The following TNRC6A variants were observed in gnomAD, a reference collection of about 807,000 sequenced individuals.
TNRC6A encodes the protein trinucleotide repeat-containing gene 6A protein.
In TNRC6A, 44 loss-of-function variants were observed where a neutral mutation model predicts 221.2. The observed-to-expected ratio is 0.20, with a 90% confidence interval of 0.16 to 0.26. TNRC6A has a LOEUF of 0.26. Among genes scored for constraint, TNRC6A ranks in the 10% least tolerant of loss-of-function variants. The pLI, the probability that TNRC6A is intolerant of heterozygous loss-of-function variation, is 1.00. For synonymous variants in TNRC6A, 847 were observed against 838.5 expected (o/e 1.01, Z -0.18); for missense variants, 2,199 against 2,404.4 (o/e 0.91, Z 1.79).
chr16:24,738,879 G>C (rs758305512), intron 2 of TNRC6A, among the ~76,000 whole-genome samples: 4 of 152,008 alleles, frequency 2.6e-5, no homozygotes, highest in African/African-American at 4.8e-5. Flanking sequence ...TTTTTGAGAC[G>C]GACTCCCTCT....
chr16:24,779,744 A>G (rs945086217), intron 5 of TNRC6A, among the ~76,000 whole-genome samples: 11 of 152,236 alleles, frequency 7.2e-5, no homozygotes, highest in Non-Finnish European at 1.3e-4. Context: ...CCAGAAACAC[A>G]AACATTCTTT....
intron 3 of TNRC6A, among the ~76,000 whole-genome samples, chr16:24,751,592 C>T (rs76615578): frequency 0.028 from 4,278 of 152,174 alleles, 84 homozygotes; most frequent in Non-Finnish European, 0.044. Context: ...GCACTCATCT[C>T]CTACTATGTC....
intron 1 of TNRC6A, among the ~76,000 whole-genome samples, chr16:24,637,296 G>C (rs1411624762): frequency 6.6e-6 from 1 of 152,174 alleles, no homozygotes; most frequent in African/African-American, 2.4e-5. Flanking sequence ...GTCTCCCAAA[G>C]TGCTGGGATT....
intron 2 of TNRC6A, chr16:24,661,499 C>T (rs151002674): frequency 1.4e-4 from 22 of 152,558 alleles, no homozygotes; most frequent in Non-Finnish European, 2.9e-4. Flanking sequence ...CTGCAACCTC[C>T]GCCTCCCAGG....
Position 24,777,198 on chromosome 16 carries a change from G to A in TNRC6A, c.429G>A (p.Gln143=), listed in dbSNP as rs1287837954. The A allele has an allele frequency of 6.2e-7, 1 of 1,614,132 alleles. No individual in the cohort carries two copies. Among genetic ancestry groups the A allele is most frequent in the Admixed American group, 1.7e-5 (1 of 60,012 alleles). The change falls in exon 5 of 25, where the codon CAG becomes CAA. Residue 143 remains glutamine, a synonymous_variant. Transcript: ENST00000395799. ...PREVPPRFRH[Q]EHKQLLKRGQ... is the part of the protein sequence containing the mutation. ...AAGTACCTCCACGATTTCGCCACCA[G>A]GAACACAAACAGCTTCTAAAGAGGG...
intron 2 of TNRC6A, among the ~76,000 whole-genome samples, chr16:24,748,000 C>G (rs1466616077): frequency 5.3e-5 from 8 of 152,084 alleles, no homozygotes; most frequent in Admixed American, 5.2e-4. Flanking sequence ...GCTGAAGGTG[C>G]TAGATGTTTC....
chr16:24,802,548 C>CA (rs897930490), intron 11 of TNRC6A, among the ~76,000 whole-genome samples: 9 of 151,446 alleles, frequency 5.9e-5, no homozygotes, highest in African/African-American at 1.9e-4. Flanking sequence ...GACACTGTCT[C>CA]AAAAAAAAGT....
chr16:24,741,005 G>T (rs1380641040), intron 2 of TNRC6A, among the ~76,000 whole-genome samples: 1 of 152,120 alleles, frequency 6.6e-6, no homozygotes, highest in South Asian at 2.1e-4. Context: ...TGTGTTCTGC[G>T]GCTGTGCTGA....
chr16:24,820,508 C>T (rs1002352326), intron 22 of TNRC6A, 148 bp downstream of exon 22: 6 of 699,642 alleles, frequency 8.6e-6, no homozygotes, highest in African/African-American at 1.8e-5. Context: ...AAATGATCCA[C>T]CCAAAGGCAC....
chr16:24,730,348 T>G (rs1258626724), intron 2 of TNRC6A, 48 bp downstream of exon 2: 1 of 1,590,576 alleles, frequency 6.3e-7, no homozygotes, highest in Admixed American at 1.8e-5. Flanking sequence ...AATCGTATAT[T>G]TCTACTCCGA....
chr16:24,805,174 C>G (rs1228314189), intron 14 of TNRC6A, 23 bp downstream of exon 14: 1 of 1,611,176 alleles, frequency 6.2e-7, no homozygotes. Context: ...TCCTTACATT[C>G]TCCTGTTTAC....
intron 4 of TNRC6A, among the ~76,000 whole-genome samples, chr16:24,772,556 AGGAGGATC>A (rs2057634081): frequency 6.6e-6 from 1 of 151,938 alleles, no homozygotes; most frequent in Non-Finnish European, 1.5e-5. Flanking sequence ...AGGCCAAGGC[AGGAGGATC>A]ACCTGAGATC....
chr16:24,611,001 T>TG (rs769314133), intron 1 of TNRC6A, among the ~76,000 whole-genome samples: 2 of 151,996 alleles, frequency 1.3e-5, no homozygotes, highest in Non-Finnish European at 2.9e-5. Flanking sequence ...TTAGTAGAGA[T>TG]GGGGTTTCAC....
chr16:24,796,130 T>C (rs916054632), intron 9 of TNRC6A, 191 bp downstream of exon 9: 12 of 512,260 alleles, frequency 2.3e-5, no homozygotes, highest in South Asian at 2.3e-4. Context: ...GAGAGCTTCA[T>C]AGAAGTGTCA....
rs2058154754 is a variant in TNRC6A at position 24,793,492 on chromosome 16, G to A, written c.3195G>A (p.Gly1065=). Residue 1065 remains glycine, a synonymous_variant, in exon 7 of 25, where the codon GGG becomes GGA. Coordinates refer to ENST00000395799, the MANE Select transcript of TNRC6A (RefSeq NM_014494.4). ...CTAAAGGCTGGGGTGAGCCCTGGGGGGAGCCTTCTACTCCAGCCACAACTG... is the reference window on the plus strand; with the variant it reads ...CTAAAGGCTGGGGTGAGCCCTGGGGAGAGCCTTCTACTCCAGCCACAACTG... ...SSGSGWGEPW[G]EPSTPATTVD... is the part of the protein sequence containing the mutation. The A allele has an allele frequency of 6.7e-7, 1 of 1,502,292 alleles. No homozygotes were observed. The highest frequency in any genetic ancestry group is 8.9e-7 in the Non-Finnish European group (1 of 1,119,686). The allele number at this position is 1,502,292 out of a possible 1,614,324, so 93.1% of individuals were successfully genotyped here.
intron 2 of TNRC6A, among the ~76,000 whole-genome samples, chr16:24,720,860 C>T (rs889571252): frequency 5.3e-5 from 8 of 151,056 alleles, no homozygotes; most frequent in African/African-American, 1.9e-4. Context: ...ACAGTGAAAC[C>T]CCGTCTCTAC....
Position 24,791,802 on chromosome 16 carries a change from G to A in TNRC6A, c.3160G>A (p.Ala1054Thr). ...TGCAAGTGCCATCTCAAACAAAGAG[G>A]CAAGCAGTGGCTCTGGTAAGTTTCT... Reference protein sequence around the residue: ...TPASAISNKEASSGSGWGEPW... With the variant: ...TPASAISNKETSSGSGWGEPW... Residue 1054 changes from alanine (A) to threonine (T), a missense_variant, in exon 6 of 25, where the codon GCA (alanine) becomes ACA (threonine). By Grantham distance (58) the Ala-to-Thr change is moderately conservative. Around this residue, in one of 8 missense-constraint regions of TNRC6A, gnomAD observed 1,405 missense variants for 1,400.2 expected, o/e 1.00. Transcript: ENST00000395799. The A allele has an allele frequency of 6.5e-7, 1 of 1,547,070 alleles. No homozygotes were observed. The highest frequency in any genetic ancestry group is 8.7e-7 in the Non-Finnish European group (1 of 1,151,570).
At chr16:24,675,957 C>T (rs1354831269) in intron 2 of TNRC6A, among the ~76,000 whole-genome samples, 1 of 151,458 alleles carries the variant, frequency 6.6e-6, no homozygotes, top group East Asian at 1.9e-4. Flanking sequence ...CCACTTGTCC[C>T]AAGCAATCCT....
intron 2 of TNRC6A, among the ~76,000 whole-genome samples, chr16:24,750,021 A>T (rs2057101104): frequency 6.6e-6 from 1 of 151,918 alleles, no homozygotes; most frequent in South Asian, 2.1e-4. Context: ...GTACTTGTAA[A>T]CCCGGCTACT....
Sources: gnomAD v4.1 joint callset for allele counts (sites outside exome capture counted in the v4.1 genomes callset) on GRCh38, gnomAD v4.1.1 for gene constraint, gnomAD v4.1.1 regional missense constraint, MANE v1.5 for transcripts, NCBI Gene and HGNC (gene_info 2026-07-23, HGNC 2026-07-21) for gene names.